Variants in DPY19L1 observed in about 807,000 individuals in gnomAD.
DPY19L1 encodes the protein dpy-19 like C-mannosyltransferase 1.
A neutral mutation model predicts 96.9 loss-of-function variants in DPY19L1; 35 were observed. The ratio of observed to expected loss-of-function variants is 0.36; its 90% CI spans 0.28 to 0.48. DPY19L1 has a LOEUF of 0.48. Ranked by LOEUF, DPY19L1 falls within the 20% of genes least tolerant of loss-of-function variation. The pLI, the probability that DPY19L1 is intolerant of heterozygous loss-of-function variation, is 0.99. For missense variants in DPY19L1, 521 were observed against 777.9 expected, an observed-to-expected ratio of 0.67 and a Z score of 3.93; for synonymous variants, 205 against 252.6, an observed-to-expected ratio of 0.81 and a Z score of 1.79.
At chr7:34,939,918 A>C (rs1180690961) in intron 19 of DPY19L1, among the ~76,000 whole-genome samples, 1 of 152,212 alleles carries the variant, frequency 6.6e-6, no homozygotes, top group Non-Finnish European at 1.5e-5. Context: ...TGAAAAAATT[A>C]AAATCTATAA....
intron 17 of DPY19L1, 91 bp from the exon 18 acceptor site, chr7:34,941,975 C>T: frequency 7.5e-7 from 1 of 1,328,750 alleles, no homozygotes; most frequent in Non-Finnish European, 1.0e-6. Flanking sequence ...GTACGTTCTC[C>T]TTAGTAACAA....
At chr7:35,014,877 C>T (rs144511801) in intron 3 of DPY19L1, among the ~76,000 whole-genome samples, 118 of 152,228 alleles carry the variant, frequency 7.8e-4, no homozygotes, top group African/African-American at 2.8e-3. Context: ...GCTACAGGCA[C>T]ACAGGGGAAA....
At chr7:34,977,406 C>CTCCAAAA (rs1784852466) in intron 7 of DPY19L1, among the ~76,000 whole-genome samples, 1 of 152,140 alleles carries the variant, frequency 6.6e-6, no homozygotes. Context: ...AAATTCGTTG[C>CTCCAAAA]TTTTAATAGC....
At chr7:34,956,366 C>G (rs1784378935) in intron 11 of DPY19L1, among the ~76,000 whole-genome samples, 1 of 152,054 alleles carries the variant, frequency 6.6e-6, no homozygotes, top group East Asian at 1.9e-4. Context: ...TTATTAATCC[C>G]AAAGTTATGA....
intron 9 of DPY19L1, among the ~76,000 whole-genome samples, chr7:34,968,477 A>T (rs1255856533): frequency 6.6e-6 from 1 of 152,188 alleles, no homozygotes; most frequent in Non-Finnish European, 1.5e-5. Flanking sequence ...GTTCTAAAAA[A>T]TATTAAAAAG....
At chr7:35,007,047 A>G (rs1207293684) in intron 6 of DPY19L1, among the ~76,000 whole-genome samples, 3 of 152,174 alleles carry the variant, frequency 2.0e-5, no homozygotes, top group African/African-American at 7.2e-5. Context: ...TATCCCTTTC[A>G]TAAAATTACA....
intron 7 of DPY19L1, among the ~76,000 whole-genome samples, chr7:34,985,681 G>C (rs1785032555): frequency 6.6e-6 from 1 of 152,100 alleles, no homozygotes; most frequent in South Asian, 2.1e-4. Flanking sequence ...ATAAGTGTTG[G>C]AGAGGATGTG....
chr7:35,012,062 C>T (rs1186602905), intron 4 of DPY19L1, among the ~76,000 whole-genome samples: 1 of 152,212 alleles, frequency 6.6e-6, no homozygotes, highest in East Asian at 1.9e-4. Context: ...AAGACTGGTG[C>T]CTGAAAGCTT....
intron 1 of DPY19L1, among the ~76,000 whole-genome samples, chr7:35,027,850 A>T (rs1429872155): frequency 5.9e-5 from 9 of 151,970 alleles, no homozygotes; most frequent in Non-Finnish European, 8.8e-5. Context: ...AAAAATAAAT[A>T]AATAAAAATA....
At chr7:34,953,712 G>C (rs1219016302) in intron 13 of DPY19L1, among the ~76,000 whole-genome samples, 1 of 80,570 alleles carries the variant, frequency 1.2e-5, no homozygotes, top group Admixed American at 1.6e-4. Flanking sequence ...GGTACTGAAT[G>C]AATGAATGAA....
At chr7:35,026,749 C>T (rs532255433) in intron 1 of DPY19L1, among the ~76,000 whole-genome samples, 1 of 152,218 alleles carries the variant, frequency 6.6e-6, no homozygotes, top group South Asian at 2.1e-4. Flanking sequence ...GTTGGCAAAA[C>T]GTGATAGCTG....
chr7:35,030,229 G>C (rs1402110726), intron 1 of DPY19L1, among the ~76,000 whole-genome samples: 2 of 152,228 alleles, frequency 1.3e-5, no homozygotes, highest in East Asian at 3.8e-4. Flanking sequence ...TTACTGTTAG[G>C]AAATAGGAAA....
At position 34,959,198 on chromosome 7, in the gene DPY19L1, TA is replaced by T. The variant is rs892058717; in HGVS notation, c.1093-1129del. 1.5e-4 allele frequency among the ~76,000 whole-genome samples: 23 copies of T among 152,254 alleles called. No homozygotes were observed. In the South Asian group the frequency reaches 2.1e-3, roughly 14 times the overall value. On this transcript the variant is annotated intron_variant, in intron 10 of 21. Coordinates refer to ENST00000638088, the MANE Select transcript of DPY19L1 (RefSeq NM_001366673.1). ...TCATGCCAGTTAGAATGGCGATCAT[TA>T]AAAAGTCAGGAGACAAAGATGCTGT...
At chr7:34,964,657 A>G (rs892244482) in intron 10 of DPY19L1, among the ~76,000 whole-genome samples, 3 of 152,216 alleles carry the variant, frequency 2.0e-5, no homozygotes, top group Non-Finnish European at 2.9e-5. Flanking sequence ...GTAGTAAAGC[A>G]TTTCATGAAA....
intron 11 of DPY19L1, 102 bp from the exon 12 acceptor site, chr7:34,955,469 A>T (rs144121072): frequency 1.4e-6 from 2 of 1,445,496 alleles, no homozygotes; most frequent in African/African-American, 2.9e-5. Flanking sequence ...AAGTATCTAA[A>T]ATTTAGCACA....
intron 1 of DPY19L1, among the ~76,000 whole-genome samples, chr7:35,034,193 A>C (rs1301951063): frequency 6.6e-6 from 1 of 152,164 alleles, no homozygotes; most frequent in Non-Finnish European, 1.5e-5. Flanking sequence ...ATAGTATCTC[A>C]TGTTAGTCTT....
chr7:34,937,935 G>A (rs1271553312), intron 21 of DPY19L1, 59 bp downstream of exon 21: 5 of 1,566,750 alleles, frequency 3.2e-6, no homozygotes, highest in Non-Finnish European at 4.4e-6. Flanking sequence ...CATGTGCCAT[G>A]TGCTTGAATT....
chr7:34,973,378 C>T (rs1436069867), intron 8 of DPY19L1, 136 bp downstream of exon 8: 2 of 457,758 alleles, frequency 4.4e-6, no homozygotes, highest in Non-Finnish European at 3.6e-6. Context: ...TTTTAAGTTA[C>T]ACTCTTATAA....
intron 1 of DPY19L1, among the ~76,000 whole-genome samples, chr7:35,033,040 C>T (rs1020657201): frequency 1.3e-5 from 2 of 152,170 alleles, no homozygotes; most frequent in Non-Finnish European, 2.9e-5. Flanking sequence ...AAAATTTAAT[C>T]ATGTCACTCT....
Sources: gnomAD v4.1 joint callset for allele counts (sites outside exome capture counted in the v4.1 genomes callset) on GRCh38, gnomAD v4.1.1 for gene constraint, MANE v1.5 for transcripts, NCBI Gene and HGNC (gene_info 2026-07-23, HGNC 2026-07-21) for gene names.